RIMS4: variants seen among roughly 807,000 people sequenced by gnomAD.
The protein encoded by RIMS4 is regulating synaptic membrane exocytosis 4.
RIMS4 carries 9 observed loss-of-function variants against 29.0 expected under a neutral mutation model. The ratio of observed to expected loss-of-function variants is 0.31; its 90% CI spans 0.19 to 0.54. The LOEUF (loss-of-function observed/expected upper bound fraction) is 0.54. Ranked by LOEUF, RIMS4 falls within the 20% of genes least tolerant of loss-of-function variation. RIMS4 has a pLI of 0.94. For synonymous variants in RIMS4, 130 were observed against 152.9 expected (o/e 0.85, Z 1.10); for missense variants, 193 against 365.7 (o/e 0.53, Z 3.85).
chr20:44,756,286 G>A lies in RIMS4; in HGVS notation c.658C>T (p.Leu220=), dbSNP rs140364166. The A allele has an allele frequency of 9.3e-6, 15 of 1,613,862 alleles. No individual in the cohort carries two copies. The highest frequency in any genetic ancestry group is 1.3e-5 in the Non-Finnish European group (15 of 1,179,980). ...AGGGTGGTCAAGTCCAGCTCCTCCAGCAGCACGCGAGCCACACCCATGAAC... is the reference window on the plus strand; with the variant it reads ...AGGGTGGTCAAGTCCAGCTCCTCCAACAGCACGCGAGCCACACCCATGAAC... ...KQFMGVARVL[L]EELDLTTLAV... The change falls in exon 6 of 6, where the codon CTG becomes TTG. Residue 220 remains leucine (L), a synonymous_variant. Coordinates refer to ENST00000372851, the MANE Select transcript of RIMS4 (RefSeq NM_182970.4). The surrounding 1 kb of genome is among the most constrained non-coding windows in gnomAD (Gnocchi z 5.9).
At chr20:44,770,768 A>G (rs761541349) in intron 2 of RIMS4, among the ~76,000 whole-genome samples, 1 of 152,200 alleles carries the variant, frequency 6.6e-6, no homozygotes, top group Non-Finnish European at 1.5e-5. Context: ...AGTAGTATAC[A>G]TTTTTCAAAA....
chr20:44,764,002 C>T (rs1037037826), intron 2 of RIMS4, among the ~76,000 whole-genome samples: 8 of 151,628 alleles, frequency 5.3e-5, no homozygotes, highest in African/African-American at 1.9e-4. Flanking sequence ...CTTCATCCAT[C>T]CATCCATTTA....
intron 1 of RIMS4, among the ~76,000 whole-genome samples, chr20:44,798,614 C>T (rs1376636379): frequency 6.6e-6 from 1 of 152,226 alleles, no homozygotes; most frequent in Non-Finnish European, 1.5e-5. Context: ...CTGGTGCCGG[C>T]TCACAGCTGC....
intron 1 of RIMS4, among the ~76,000 whole-genome samples, chr20:44,776,380 T>A (rs1485750523): frequency 6.6e-6 from 1 of 152,206 alleles, no homozygotes; most frequent in East Asian, 1.9e-4. Context: ...TCCCTCCCCA[T>A]CAGCTACTGC....
intron 1 of RIMS4, among the ~76,000 whole-genome samples, chr20:44,786,522 A>G (rs2066209435): frequency 6.6e-6 from 1 of 152,230 alleles, no homozygotes; most frequent in Admixed American, 6.5e-5. Flanking sequence ...CCGAGGACGC[A>G]GCATTGAACA....
rs62204588 is a variant in RIMS4 at position 44,796,531 on chromosome 20, C to T, written c.97+13644G>A. ...GCAGATGGGAATCACACAGTCCCTG[C>T]CCTGCAGGGGCTCACAGTGTGACAG... On this transcript the variant is annotated intron_variant, in intron 1 of 5. Coordinates refer to ENST00000372851, the MANE Select transcript of RIMS4 (RefSeq NM_182970.4). Among the ~76,000 whole-genome samples, 585 of 152,276 alleles carry T rather than the reference C, an allele frequency of 3.8e-3. 2 individuals carry two copies. Among genetic ancestry groups the T allele is most frequent in the Non-Finnish European group, 6.4e-3 (437 of 68,024 alleles).
chr20:44,773,627 A>G (rs1555860300), intron 1 of RIMS4, among the ~76,000 whole-genome samples: 1 of 151,692 alleles, frequency 6.6e-6, no homozygotes, highest in Non-Finnish European at 1.5e-5. Flanking sequence ...ATCTCCACCT[A>G]CCTGGGTCTG....
At chr20:44,793,873 C>T (rs965212892) in intron 1 of RIMS4, among the ~76,000 whole-genome samples, 27 of 152,124 alleles carry the variant, frequency 1.8e-4, no homozygotes, top group African/African-American at 6.3e-4. Flanking sequence ...AGTTCAAGAC[C>T]AGCCTGGGCA....
At chr20:44,798,875 C>T (rs1404647323) in intron 1 of RIMS4, among the ~76,000 whole-genome samples, 1 of 152,262 alleles carries the variant, frequency 6.6e-6, no homozygotes. Context: ...AGCACTCCCA[C>T]AGAGCACTTG....
intron 1 of RIMS4, among the ~76,000 whole-genome samples, chr20:44,796,668 T>C (rs2066256565): frequency 6.6e-6 from 1 of 152,172 alleles, no homozygotes; most frequent in African/African-American, 2.4e-5. Flanking sequence ...GTGTGCTTCC[T>C]GGAGGAGGTG....
chr20:44,770,403 G>A lies in RIMS4; in HGVS notation c.236+872C>T, dbSNP rs184026273. Among the ~76,000 whole-genome samples, 3 of 152,286 alleles carry A rather than the reference G, an allele frequency of 2.0e-5. No individual in the cohort carries two copies. The East Asian group carries it at 5.8e-4, about 29-fold the overall frequency. ...GGACTCTGATAACCCCTACAGTTAT[G>A]AGAAAAGCATGTTCGCAGGACTGTG... On this transcript the variant is annotated intron_variant, in intron 2 of 5. Transcript: ENST00000372851.
At chr20:44,774,290 C>T (rs959926502) in intron 1 of RIMS4, among the ~76,000 whole-genome samples, 10 of 152,092 alleles carry the variant, frequency 6.6e-5, no homozygotes, top group East Asian at 1.9e-4. Flanking sequence ...AGTGTCAACT[C>T]GATTGGATTG....
chr20:44,762,933 A>G (rs995920762), intron 2 of RIMS4, among the ~76,000 whole-genome samples: 1 of 152,248 alleles, frequency 6.6e-6, no homozygotes. Context: ...CTGCAAATGA[A>G]ATCACACTGC....
At chr20:44,801,687 C>T (rs2066277951) in intron 1 of RIMS4, among the ~76,000 whole-genome samples, 1 of 152,178 alleles carries the variant, frequency 6.6e-6, no homozygotes, top group Non-Finnish European at 1.5e-5. Flanking sequence ...CTCATTTTGA[C>T]TCACTTATCC....
intron 1 of RIMS4, among the ~76,000 whole-genome samples, chr20:44,799,379 C>A (rs1340145955): frequency 1.3e-5 from 2 of 152,086 alleles, no homozygotes; most frequent in African/African-American, 4.8e-5. Context: ...GTTTGGGGGT[C>A]CCTCTGCGAG....
At position 44,802,348 on chromosome 20, in the gene RIMS4, C is replaced by T. The variant is rs527244542; in HGVS notation, c.97+7827G>A. 1.1e-4 allele frequency among the ~76,000 whole-genome samples: 16 copies of T among 152,302 alleles called. No individual in the cohort carries two copies. The South Asian group carries it at 3.1e-3, about 30-fold the overall frequency. On this transcript the variant is annotated intron_variant, in intron 1 of 5. Coordinates refer to ENST00000372851, the MANE Select transcript of RIMS4 (RefSeq NM_182970.4). ...CTTGAGTATTTACTATTATTATGCC[C>T]CATTTTACAGATGCGGACATTGAAC...
intron 2 of RIMS4, among the ~76,000 whole-genome samples, chr20:44,768,813 A>G (rs1478246191): frequency 6.6e-6 from 1 of 152,288 alleles, no homozygotes; most frequent in South Asian, 2.1e-4. Flanking sequence ...TATAGACACA[A>G]CTGTATTTGG....
Position 44,776,914 on chromosome 20 carries a change from A to G in RIMS4, c.98-5501T>C, listed in dbSNP as rs367935370. ...TTTCCCAAGGACATGCACGACTACTAATGGTGGAGCTGGACTTCAAACCCA... is the reference window on the plus strand; with the variant it reads ...TTTCCCAAGGACATGCACGACTACTGATGGTGGAGCTGGACTTCAAACCCA... On this transcript the variant is annotated intron_variant, in intron 1 of 5. Coordinates refer to ENST00000372851, the MANE Select transcript of RIMS4 (RefSeq NM_182970.4). Among the ~76,000 whole-genome samples the G allele has an allele frequency of 2.7e-4, 41 of 152,318 alleles. No individual in the cohort carries two copies. The East Asian group carries it at 6.9e-3, about 26-fold the overall frequency.
intron 1 of RIMS4, among the ~76,000 whole-genome samples, chr20:44,787,328 C>T (rs1271296610): frequency 1.3e-5 from 2 of 152,072 alleles, no homozygotes; most frequent in South Asian, 2.1e-4. Context: ...ATGACAATGA[C>T]GATGTGATGA....
Sources: allele counts gnomAD v4.1 joint callset (sites outside exome capture counted in the v4.1 genomes callset), GRCh38; gene constraint gnomAD v4.1.1; non-coding constraint Gnocchi (gnomAD v3.1); transcripts MANE v1.5; gene names NCBI Gene and HGNC (gene_info 2026-07-23, HGNC 2026-07-21).